The following GPC5 variants were observed in gnomAD, a reference collection of about 807,000 sequenced individuals.
GPC5 encodes the protein glypican 5, also known as glypican-5.
A neutral mutation model predicts 53.9 loss-of-function variants in GPC5; 47 were observed. The ratio of observed to expected loss-of-function variants is 0.87; its 90% CI spans 0.69 to 1.11. The LOEUF (loss-of-function observed/expected upper bound fraction) is 1.11, where lower values mean the gene tolerates loss of function less well. GPC5 is among the 50% of genes most tolerant of loss of function. The probability of loss-of-function intolerance (pLI) is 0.00; values close to 1 mark genes in which losing one functional copy is unlikely to be tolerated. For missense variants in GPC5, 748 were observed against 713.1 expected (o/e 1.05, Z -0.56); for synonymous variants, 286 against 263.3 (o/e 1.09, Z -0.84).
chr13:92,441,225 C>A (rs1336456530), intron 7 of GPC5, among the ~76,000 whole-genome samples: 3 of 152,156 alleles, frequency 2.0e-5, no homozygotes, highest in South Asian at 2.1e-4. Context: ...TGCACCACCA[C>A]ACCTGGCTAA....
At chr13:91,946,465 C>T (rs751264156) in intron 6 of GPC5, among the ~76,000 whole-genome samples, 3 of 151,644 alleles carry the variant, frequency 2.0e-5, no homozygotes, top group Admixed American at 6.6e-5. Flanking sequence ...ATATATAAAA[C>T]GCAATTTCAA....
At chr13:91,698,309 TAA>T (rs922268745) in intron 3 of GPC5, among the ~76,000 whole-genome samples, 1 of 152,208 alleles carries the variant, frequency 6.6e-6, no homozygotes, top group Non-Finnish European at 1.5e-5. Flanking sequence ...ATTCTATCAA[TAA>T]AACCTATCAA....
chr13:92,407,065 G>T (rs1875826023), intron 7 of GPC5, among the ~76,000 whole-genome samples: 1 of 151,922 alleles, frequency 6.6e-6, no homozygotes. Flanking sequence ...TTAGTTTATG[G>T]GCAAATACCC....
intron 2 of GPC5, among the ~76,000 whole-genome samples, chr13:91,636,911 T>C (rs1381919586): frequency 6.6e-6 from 1 of 152,178 alleles, no homozygotes; most frequent in Non-Finnish European, 1.5e-5. Context: ...TGAGCTATGA[T>C]CCAGTACCCC....
intron 7 of GPC5, among the ~76,000 whole-genome samples, chr13:92,651,697 G>A (rs1048238608): frequency 2.6e-5 from 4 of 152,080 alleles, no homozygotes; most frequent in Non-Finnish European, 5.9e-5. Context: ...TGTAAAGAAT[G>A]TACCATACTA....
intron 7 of GPC5, among the ~76,000 whole-genome samples, chr13:92,743,642 G>C (rs1385250816): frequency 6.6e-6 from 1 of 152,116 alleles, no homozygotes; most frequent in South Asian, 2.1e-4. Context: ...AGTGGTGAGA[G>C]ACGGCATCTC....
chr13:91,730,423 A>G (rs2036672012), intron 4 of GPC5, among the ~76,000 whole-genome samples: 1 of 152,100 alleles, frequency 6.6e-6, no homozygotes, highest in Non-Finnish European at 1.5e-5. Flanking sequence ...TTTCCAATAG[A>G]TCACTTCCAC....
At chr13:92,009,874 A>T (rs1168016211) in intron 6 of GPC5, among the ~76,000 whole-genome samples, 1 of 152,142 alleles carries the variant, frequency 6.6e-6, no homozygotes, top group Non-Finnish European at 1.5e-5. Flanking sequence ...CCAAGCTTAA[A>T]ACCATATTTC....
At chr13:92,767,374 G>A (rs1875443808) in intron 7 of GPC5, among the ~76,000 whole-genome samples, 2 of 152,158 alleles carry the variant, frequency 1.3e-5, no homozygotes, top group Admixed American at 6.5e-5. Context: ...GGGAGGCTGA[G>A]GCAGGAGAAT....
At chr13:91,531,435 G>A (rs558545111) in intron 2 of GPC5, among the ~76,000 whole-genome samples, 3 of 152,176 alleles carry the variant, frequency 2.0e-5, no homozygotes, top group African/African-American at 4.8e-5. Context: ...GGGTAAAGCC[G>A]GCTGTTAGAT....
chr13:92,753,523 A>G (rs553362643), intron 7 of GPC5, among the ~76,000 whole-genome samples: 1 of 152,190 alleles, frequency 6.6e-6, no homozygotes, highest in Non-Finnish European at 1.5e-5. Flanking sequence ...CAGACGATCA[A>G]ATTACTCTGA....
chr13:92,471,751 CA>C (rs1231915605), intron 7 of GPC5, among the ~76,000 whole-genome samples: 1 of 151,900 alleles, frequency 6.6e-6, no homozygotes, highest in Non-Finnish European at 1.5e-5. Context: ...TTTGATTATT[CA>C]AAAAATCACT....
At chr13:92,290,717 A>G (rs1243859128) in intron 7 of GPC5, among the ~76,000 whole-genome samples, 2 of 152,206 alleles carry the variant, frequency 1.3e-5, no homozygotes, top group Non-Finnish European at 2.9e-5. Context: ...GAGAGGTGAC[A>G]GCGTGCTGGC....
At chr13:92,276,278 A>G (rs1235805446) in intron 7 of GPC5, among the ~76,000 whole-genome samples, 1 of 152,182 alleles carries the variant, frequency 6.6e-6, no homozygotes, top group East Asian at 1.9e-4. Flanking sequence ...TCATTTAAAA[A>G]TTAAACTGCA....
chr13:92,830,638 T>C (rs1192320872), intron 7 of GPC5, among the ~76,000 whole-genome samples: 1 of 152,138 alleles, frequency 6.6e-6, no homozygotes, highest in Non-Finnish European at 1.5e-5. Context: ...AAAAGCTTTA[T>C]ATTATAAAGG....
At chr13:92,821,986 C>T (rs1403192181) in intron 7 of GPC5, among the ~76,000 whole-genome samples, 4 of 151,914 alleles carry the variant, frequency 2.6e-5, no homozygotes, top group Non-Finnish European at 5.9e-5. Context: ...GGAAGGAATG[C>T]GATTACCAGA....
intron 5 of GPC5, among the ~76,000 whole-genome samples, chr13:91,808,648 C>T (rs2038261374): frequency 6.6e-6 from 1 of 152,134 alleles, no homozygotes; most frequent in Non-Finnish European, 1.5e-5. Flanking sequence ...GCCCATGAGA[C>T]TTTGCAATGT....
chr13:91,539,902 T>C (rs1462129420), intron 2 of GPC5, among the ~76,000 whole-genome samples: 9 of 152,220 alleles, frequency 5.9e-5, no homozygotes, highest in African/African-American at 2.2e-4. Flanking sequence ...TGGTGAACTT[T>C]TGTATAATGC....
intron 7 of GPC5, among the ~76,000 whole-genome samples, chr13:92,221,608 C>A (rs1029620467): frequency 6.6e-6 from 1 of 152,138 alleles, no homozygotes; most frequent in Non-Finnish European, 1.5e-5. Context: ...TGGTGGGGAT[C>A]TGGAGGCCAT....
Sources: gnomAD v4.1 joint callset for allele counts (sites outside exome capture counted in the v4.1 genomes callset) on GRCh38, gnomAD v4.1.1 for gene constraint, MANE v1.5 for transcripts, NCBI Gene and HGNC (gene_info 2026-07-23, HGNC 2026-07-21) for gene names.